The following DGLUCY variants were observed in gnomAD, a reference collection of about 807,000 sequenced individuals.
DGLUCY encodes the protein D-glutamate cyclase, mitochondrial.
Under a neutral mutation model 58.5 loss-of-function variants are expected in DGLUCY, and 58 were observed. The ratio of observed to expected loss-of-function variants is 0.99; its 90% confidence interval spans 0.80 to 1.23. The LOEUF is 1.23. Ranked by LOEUF, DGLUCY falls within the 50% of genes most tolerant of loss-of-function variation. The probability of loss-of-function intolerance (pLI) is 0.00; values close to 1 mark genes in which losing one functional copy is unlikely to be tolerated. For synonymous variants in DGLUCY, 325 were observed against 314.1 expected (o/e 1.03, Z -0.37); for missense variants, 779 against 784.7 (o/e 0.99, Z 0.09).
chr14:91,105,441 A>T (rs186449609), upstream of DGLUCY, among the ~76,000 whole-genome samples: 56 of 152,366 alleles, frequency 3.7e-4, no homozygotes. Context: ...AAATGACAGC[A>T]AGAACAAACC....
intron 13 of DGLUCY, chr14:91,220,785 C>A: frequency 2.4e-6 from 1 of 425,360 alleles, no homozygotes; most frequent in Non-Finnish European, 4.8e-6. Flanking sequence ...ATTGCCTGTG[C>A]CAGAGCCCAG....
rs772291843 is a variant in DGLUCY, at chr14:91,215,429, C to T, written c.1589C>T (p.Ala530Val). 6.2e-7 allele frequency: 1 copy of T among 1,612,000 alleles called. No individual in the cohort carries two copies. The highest frequency in any genetic ancestry group is 1.1e-5 in the South Asian group (1 of 91,028). Reference sequence around the variant, plus strand: ...GGTGTTTCTAACTGGGGAGGCTATGCCCTGGCCTGCGCACTCTACATCCTG... The same window carrying T: ...GGTGTTTCTAACTGGGGAGGCTATGTCCTGGCCTGCGCACTCTACATCCTG... ...IAGVSNWGGY[A>V]LACALYILYS... Residue 530 changes from alanine to valine, a missense_variant, in exon 13 of 14, where the codon GCC becomes GTC. Transcript: ENST00000256324.
intron 3 of DGLUCY, among the ~76,000 whole-genome samples, 193 bp from the exon 4 acceptor site, chr14:91,167,032 G>C (rs1047583081): frequency 6.6e-6 from 1 of 151,900 alleles, no homozygotes; most frequent in Non-Finnish European, 1.5e-5. Context: ...CCAGCTACTC[G>C]GGGGGCTGAG....
chr14:91,129,791 CAT>C (rs1416767567), intron 1 of DGLUCY, among the ~76,000 whole-genome samples: 1 of 152,042 alleles, frequency 6.6e-6, no homozygotes, highest in African/African-American at 2.4e-5. Context: ...GGATTACAGA[CAT>C]GTGCCACCAC....
At chr14:91,185,141 G>A (rs1184876905) in intron 8 of DGLUCY, among the ~76,000 whole-genome samples, 1 of 151,774 alleles carries the variant, frequency 6.6e-6, no homozygotes, top group African/African-American at 2.4e-5. Flanking sequence ...GCTAATTTTT[G>A]TAATTTTAGT....
At chr14:91,138,167 A>G (rs565460149) in intron 1 of DGLUCY, among the ~76,000 whole-genome samples, 1 of 152,148 alleles carries the variant, frequency 6.6e-6, no homozygotes, top group Non-Finnish European at 1.5e-5. Flanking sequence ...TATCTAGACC[A>G]TGGGGTATCA....
At chr14:91,214,385 G>A (rs1162928779) in intron 12 of DGLUCY, among the ~76,000 whole-genome samples, 3 of 152,178 alleles carry the variant, frequency 2.0e-5, no homozygotes, top group Admixed American at 6.6e-5. Context: ...TCCCAAAACT[G>A]GGAAATAAGC....
At chr14:91,104,090 T>C (rs2044543868), upstream of DGLUCY, among the ~76,000 whole-genome samples, 1 of 148,580 alleles carries the variant, frequency 6.7e-6, no homozygotes, top group Non-Finnish European at 1.5e-5. Context: ...TGAGACAGAG[T>C]CTTGCTCTGT....
intron 1 of DGLUCY, among the ~76,000 whole-genome samples, chr14:91,073,390 A>G (rs781630728): frequency 6.6e-6 from 1 of 152,200 alleles, no homozygotes; most frequent in Non-Finnish European, 1.5e-5. Flanking sequence ...GGAGTGAGCC[A>G]AGATCGTGCC....
At chr14:91,183,205 A>C (rs1212494577) in intron 8 of DGLUCY, among the ~76,000 whole-genome samples, 1 of 151,986 alleles carries the variant, frequency 6.6e-6, no homozygotes, top group Admixed American at 6.6e-5. Context: ...CATGTTACCC[A>C]GGCTGGTCTC....
chr14:91,168,731 T>A (rs538963077), intron 4 of DGLUCY, among the ~76,000 whole-genome samples: 1 of 152,356 alleles, frequency 6.6e-6, no homozygotes, highest in Non-Finnish European at 1.5e-5. Flanking sequence ...TTCCTTGCTG[T>A]GTATTGCCAG....
At chr14:91,071,309 C>T (rs1249576595) in intron 1 of DGLUCY, among the ~76,000 whole-genome samples, 1 of 140,884 alleles carries the variant, frequency 7.1e-6, no homozygotes, top group Non-Finnish European at 1.5e-5. Flanking sequence ...TGCACTCCAT[C>T]CTGGGCAACA....
intron 12 of DGLUCY, among the ~76,000 whole-genome samples, chr14:91,213,331 A>C (rs1886005738): frequency 6.6e-6 from 1 of 152,112 alleles, no homozygotes; most frequent in African/African-American, 2.4e-5. Flanking sequence ...GCTACTCGGG[A>C]GGCTGAGGGA....
At chr14:91,094,345 T>G (rs1302649030) in intron 1 of DGLUCY, among the ~76,000 whole-genome samples, 1 of 146,424 alleles carries the variant, frequency 6.8e-6, no homozygotes, top group Admixed American at 6.8e-5. Flanking sequence ...TGAGGCAGGA[T>G]AATCGCTTGA....
upstream of DGLUCY, among the ~76,000 whole-genome samples, chr14:91,103,907 C>T (rs915360072): frequency 2.0e-5 from 3 of 151,812 alleles, no homozygotes; most frequent in African/African-American, 2.4e-5. Flanking sequence ...CCCACTTCTG[C>T]GCATGTCTGT....
At chr14:91,173,691 A>G (rs2048701777) in intron 6 of DGLUCY, 1 of 406,450 alleles carries the variant, frequency 2.5e-6, no homozygotes, top group Admixed American at 4.2e-5. Flanking sequence ...GGCCCTGAAC[A>G]AGGCTCAAAG....
At chr14:91,074,940 C>T (rs112653466) in intron 1 of DGLUCY, among the ~76,000 whole-genome samples, 3,207 of 152,112 alleles carry the variant, frequency 0.021, 36 homozygotes, top group South Asian at 0.034. Context: ...GGTGTGGTGG[C>T]GCATGCCTGT....
chr14:91,157,267 G>GTGGATGGA (rs35804477), intron 1 of DGLUCY, among the ~76,000 whole-genome samples: 2 of 141,656 alleles, frequency 1.4e-5, no homozygotes, highest in African/African-American at 5.3e-5. Flanking sequence ...GAATGAATGG[G>GTGGATGGA]TGGATGGATG....
chr14:91,148,773 C>T (rs1229438847), intron 1 of DGLUCY: 1 of 151,754 alleles, frequency 6.6e-6, no homozygotes, highest in African/African-American at 2.4e-5. Context: ...ATAGTGAAAC[C>T]TTGTCTCTAC....
Sources: allele counts gnomAD v4.1 joint callset (sites outside exome capture counted in the v4.1 genomes callset), GRCh38; gene constraint gnomAD v4.1.1; transcripts MANE v1.5; gene names NCBI Gene and HGNC (gene_info 2026-07-23, HGNC 2026-07-21).